AGPAT3: variants seen among roughly 807,000 people sequenced by gnomAD.
AGPAT3 encodes the protein 1-acyl-sn-glycerol-3-phosphate acyltransferase gamma.
A neutral mutation model predicts 47.3 loss-of-function variants in AGPAT3; 5 were observed. That is an observed-to-expected ratio of 0.11 (90% CI 0.06 to 0.22). AGPAT3 has a LOEUF of 0.22. Ranked by LOEUF, AGPAT3 falls within the 10% of genes least tolerant of loss-of-function variation. AGPAT3 has a pLI of 1.00. For missense variants in AGPAT3, 315 were observed against 493.0 expected (o/e 0.64, Z 3.42); for synonymous variants, 212 against 208.3 (o/e 1.02, Z -0.15).
At chr21:43,903,648 C>T (rs1296728821) in intron 1 of AGPAT3, among the ~76,000 whole-genome samples, 1 of 152,208 alleles carries the variant, frequency 6.6e-6, no homozygotes, top group Non-Finnish European at 1.5e-5. Context: ...CTGCAGGTGG[C>T]TGGGTGGCTT....
chr21:43,985,253 C>A lies in AGPAT3; in HGVS notation c.*2861C>A, dbSNP rs546419874. 7.9e-5 allele frequency: 36 copies of A among 456,108 alleles called. No homozygotes were observed. Among genetic ancestry groups the A allele is most frequent in the Non-Finnish European group, 1.4e-4 (32 of 226,944 alleles). The allele number at this position is 456,108 out of a possible 1,614,324, so 28.3% of individuals were successfully genotyped here. ...CGTGTGAGACACTGGTTGTCTGGTA[C>A]TCGGCGACAGTGTACCAGACGCGCA... On this transcript the variant is annotated 3_prime_UTR_variant, in exon 10 of 10. Coordinates refer to ENST00000291572, the MANE Select transcript of AGPAT3 (RefSeq NM_020132.5).
chr21:43,924,639 G>A (rs866079902), intron 2 of AGPAT3, among the ~76,000 whole-genome samples: 4 of 152,182 alleles, frequency 2.6e-5, no homozygotes, highest in East Asian at 1.9e-4. Context: ...ATCATGCTCC[G>A]GCCCCGGCTT....
At chr21:43,910,805 A>G (rs918360105) in intron 2 of AGPAT3, among the ~76,000 whole-genome samples, 1 of 152,256 alleles carries the variant, frequency 6.6e-6, no homozygotes, top group Non-Finnish European at 1.5e-5. Context: ...TTCTTAAGAA[A>G]CAAATCTCAT....
intron 1 of AGPAT3, among the ~76,000 whole-genome samples, chr21:43,890,895 G>T (rs919950463): frequency 6.6e-6 from 1 of 151,996 alleles, no homozygotes; most frequent in African/African-American, 2.4e-5. Context: ...CCGCCACCAC[G>T]CCTGGATAAT....
Position 43,987,019 on chromosome 21 carries a change from G to A in AGPAT3, c.*4627G>A, listed in dbSNP as rs1261192234. On this transcript the variant is annotated 3_prime_UTR_variant, in exon 10 of 10. Transcript: ENST00000291572. ...GTGCGAGGACCTGTGTACACAGGCA[G>A]GTGTGCGCCTGCCCGAGCGCGAGTA... Among the ~76,000 whole-genome samples, 1 of 152,258 alleles carries A rather than the reference G, an allele frequency of 6.6e-6. No individual in the cohort carries two copies. The highest frequency in any genetic ancestry group is 1.9e-4 in the East Asian group (1 of 5,202).
chr21:43,946,296 A>G (rs1357544155), intron 2 of AGPAT3, among the ~76,000 whole-genome samples: 2 of 152,202 alleles, frequency 1.3e-5, no homozygotes, highest in African/African-American at 4.8e-5. Flanking sequence ...GTAAATTGCA[A>G]AATATAATGA....
rs1434430550 is a variant in AGPAT3 at position 43,970,905 on chromosome 21, C to T, written c.664+99C>T. 6.9e-6 allele frequency: 9 copies of T among 1,305,084 alleles called. No homozygotes were observed. The highest frequency in any genetic ancestry group is 5.6e-5 in the East Asian group (2 of 35,754). The allele number at this position is 1,305,084 out of a possible 1,614,324, so 80.8% of individuals were successfully genotyped here. On this transcript the variant is annotated intron_variant, in intron 6 of 9. Coordinates refer to ENST00000291572, the MANE Select transcript of AGPAT3 (RefSeq NM_020132.5). The surrounding 1 kb of genome is among the most constrained non-coding windows in gnomAD (Gnocchi z 5.8). Reference sequence around the variant, plus strand: ...AAATGAGTGCATTCCATGTGAAACACAGAAGAACAGAAGTGCAAAAGGAAT... The same window carrying T: ...AAATGAGTGCATTCCATGTGAAACATAGAAGAACAGAAGTGCAAAAGGAAT...
At chr21:43,878,506 C>A (rs1286307542) in intron 1 of AGPAT3, among the ~76,000 whole-genome samples, 1 of 152,226 alleles carries the variant, frequency 6.6e-6, no homozygotes, top group Admixed American at 6.5e-5. Flanking sequence ...GCTCCGTTTT[C>A]CCAGTTATAA....
Position 43,970,012 on chromosome 21 carries a change from C to A in AGPAT3, c.511-641C>A, listed in dbSNP as rs1434523470. The stretch of plus-strand genomic sequence containing the variant: ...GCTTGCCAGCCTGCTGTTAGCATTT[C>A]TTTTTTTTTGTTTTGAGACAGAGCC... On this transcript the variant is annotated intron_variant, in intron 5 of 9. Transcript: ENST00000291572. The surrounding 1 kb of genome is among the most constrained non-coding windows in gnomAD (Gnocchi z 5.8). 9.4e-5 allele frequency among the ~76,000 whole-genome samples: 14 copies of A among 149,582 alleles called. No individual in the cohort carries two copies. The highest frequency in any genetic ancestry group is 1.9e-4 in the Non-Finnish European group (13 of 67,430).
At chr21:43,866,351 A>C (rs551492390) in intron 1 of AGPAT3, among the ~76,000 whole-genome samples, 8 of 150,630 alleles carry the variant, frequency 5.3e-5, no homozygotes, top group African/African-American at 1.9e-4. Context: ...CTTATTAAAA[A>C]TGAAAGCCAA....
chr21:43,901,913 A>G (rs1463136314), intron 1 of AGPAT3, among the ~76,000 whole-genome samples: 1 of 152,238 alleles, frequency 6.6e-6, no homozygotes, highest in Non-Finnish European at 1.5e-5. Context: ...AAAGAAAGAA[A>G]GACAAAAAAA....
chr21:43,868,228 A>G (rs766901442), intron 1 of AGPAT3, among the ~76,000 whole-genome samples: 5 of 152,200 alleles, frequency 3.3e-5, no homozygotes, highest in South Asian at 2.1e-4. Flanking sequence ...GTACCTGGCT[A>G]TTAGGGTGCA....
chr21:43,942,658 G>A (rs2087700324), intron 2 of AGPAT3, among the ~76,000 whole-genome samples: 1 of 152,218 alleles, frequency 6.6e-6, no homozygotes, highest in African/African-American at 2.4e-5. Context: ...CAGGGGCTCC[G>A]AATGCTGAGA....
chr21:43,910,305 C>T (rs2086602808), intron 2 of AGPAT3, among the ~76,000 whole-genome samples: 1 of 152,194 alleles, frequency 6.6e-6, no homozygotes, highest in Admixed American at 6.5e-5. Context: ...GACAGATGCC[C>T]TGGAGGAGGG....
chr21:43,878,834 G>C (rs967850339), intron 1 of AGPAT3, among the ~76,000 whole-genome samples: 1 of 150,910 alleles, frequency 6.6e-6, no homozygotes, highest in Non-Finnish European at 1.5e-5. Context: ...TCCACCTCCC[G>C]GGTTCAAGCG....
chr21:43,889,843 T>TA (rs1202092287), intron 1 of AGPAT3, among the ~76,000 whole-genome samples: 2 of 152,252 alleles, frequency 1.3e-5, no homozygotes, highest in African/African-American at 4.8e-5. Context: ...TTTTTGCTAG[T>TA]AGACGGGTCT....
intron 2 of AGPAT3, among the ~76,000 whole-genome samples, chr21:43,958,431 GGT>G (rs2088597589): frequency 1.3e-5 from 2 of 152,086 alleles, no homozygotes; most frequent in African/African-American, 4.8e-5. Context: ...TTTGCACTGT[GGT>G]GTGTGTGGTT....
intron 1 of AGPAT3, among the ~76,000 whole-genome samples, chr21:43,887,474 T>A (rs895549455): frequency 2.0e-5 from 3 of 152,222 alleles, no homozygotes; most frequent in Non-Finnish European, 4.4e-5. Context: ...TTTATTGTGA[T>A]GATGAAGAAG....
chr21:43,962,138 C>T (rs1438658578), intron 3 of AGPAT3, among the ~76,000 whole-genome samples: 3 of 151,744 alleles, frequency 2.0e-5, no homozygotes, highest in Non-Finnish European at 4.4e-5. Context: ...GTAGCTGGGA[C>T]TACAGGCACC....
Sources: gnomAD v4.1 joint callset for allele counts (sites outside exome capture counted in the v4.1 genomes callset) on GRCh38, gnomAD v4.1.1 for gene constraint, Gnocchi (gnomAD v3.1) non-coding constraint, MANE v1.5 for transcripts, NCBI Gene and HGNC (gene_info 2026-07-23, HGNC 2026-07-21) for gene names.